RBFOX3: variants seen among roughly 807,000 people sequenced by gnomAD.
RBFOX3 encodes the protein RNA binding fox-1 homolog 3.
In RBFOX3, 17 loss-of-function variants were observed where a neutral mutation model predicts 48.7. That is an observed-to-expected ratio of 0.35 (90% CI 0.24 to 0.52). RBFOX3 has a LOEUF of 0.52. Among genes scored for constraint, RBFOX3 ranks in the 20% least tolerant of loss-of-function variants. The probability of loss-of-function intolerance (pLI) is 0.94; values close to 1 mark genes in which losing one functional copy is unlikely to be tolerated. For missense variants in RBFOX3, 382 were observed against 497.5 expected, an observed-to-expected ratio of 0.77 and a Z score of 2.21; for synonymous variants, 212 against 209.5, an observed-to-expected ratio of 1.01 and a Z score of -0.10.
chr17:79,385,445 T>A (rs935957293), intron 2 of RBFOX3, among the ~76,000 whole-genome samples: 1 of 151,984 alleles, frequency 6.6e-6, no homozygotes, highest in African/African-American at 2.4e-5. Context: ...TGCAGGACAA[T>A]CAGCGAGCCC....
At chr17:79,134,660 G>T (rs1374389521) in intron 4 of RBFOX3, among the ~76,000 whole-genome samples, 1 of 152,240 alleles carries the variant, frequency 6.6e-6, no homozygotes, top group Non-Finnish European at 1.5e-5. Flanking sequence ...GCTGTCCCAG[G>T]GAGGGGGTCC....
rs545947323 is a variant in RBFOX3 at position 79,133,062 on chromosome 17, G to A, written c.-33-17314C>T. On this transcript the variant is annotated intron_variant, in intron 4 of 14. Transcript: ENST00000693108. ...GGCTGGGTGGGCCTCAAACCCCAGC[G>A]TGGGGGTGACCAAAGGCCTCCTTCC... Among the ~76,000 whole-genome samples the A allele has an allele frequency of 7.2e-5, 11 of 152,314 alleles. No homozygotes were observed. In the East Asian group the frequency reaches 7.7e-4, roughly 11 times the overall value.
At chr17:79,591,041 GC>G (rs1291753195) in intron 1 of RBFOX3, among the ~76,000 whole-genome samples, 1 of 152,212 alleles carries the variant, frequency 6.6e-6, no homozygotes, top group African/African-American at 2.4e-5. Context: ...TCCCGTGTCT[GC>G]CGGGGACCCT....
At chr17:79,104,785 G>C (rs2077061538) in intron 6 of RBFOX3, among the ~76,000 whole-genome samples, 1 of 152,162 alleles carries the variant, frequency 6.6e-6, no homozygotes, top group Admixed American at 6.5e-5. Flanking sequence ...GCCTCCCTGA[G>C]ATGGGGAGGA....
At chr17:79,554,703 A>G (rs2091478371) in intron 1 of RBFOX3, among the ~76,000 whole-genome samples, 1 of 152,258 alleles carries the variant, frequency 6.6e-6, no homozygotes, top group Admixed American at 6.5e-5. Flanking sequence ...CATTTGTGGG[A>G]AAAATTACAG....
chr17:79,096,862 C>T lies in RBFOX3; in HGVS notation c.756-29G>A. 6 of 646,880 alleles carry T rather than the reference C, an allele frequency of 9.3e-6. No individual in the cohort carries two copies. The Middle Eastern group carries it at 1.5e-3, about 162-fold the overall frequency. The allele number at this position is 646,880 out of a possible 1,614,324, so 40.1% of individuals were successfully genotyped here. A position where few individuals can be genotyped will look rare whatever the true frequency, so the allele number is the denominator to read the frequency against. ...TTTTGGTATAACAATAGAGTAACAC[C>T]CTTGCTGATCAGCAACTTTCTCCCA... is the stretch of plus-strand genomic sequence containing the variant. On this transcript the variant is annotated intron_variant, in intron 11 of 14. Transcript: ENST00000693108.
chr17:79,656,813 A>AAGAAAGAG, the RBFOX3 span, among the ~76,000 whole-genome samples: 1 of 73,534 alleles, frequency 1.4e-5, no homozygotes, highest in African/African-American at 5.8e-5. Context: ...AAAGAAAAGA[A>AAGAAAGAG]AGAGAAAGAA....
At chr17:79,151,295 C>T (rs539104457) in intron 4 of RBFOX3, among the ~76,000 whole-genome samples, 9 of 150,034 alleles carry the variant, frequency 6.0e-5, no homozygotes, top group African/African-American at 4.9e-5. Context: ...GCTGAAGGGA[C>T]CCTGGGTCAG....
intron 2 of RBFOX3, among the ~76,000 whole-genome samples, chr17:79,430,708 C>G (rs1285578011): frequency 6.6e-6 from 1 of 152,130 alleles, no homozygotes; most frequent in East Asian, 1.9e-4. Context: ...CCACACCCAG[C>G]TAATTTTTGT....
At chr17:79,276,333 C>T (rs1166909375) in intron 3 of RBFOX3, among the ~76,000 whole-genome samples, 7 of 152,176 alleles carry the variant, frequency 4.6e-5, no homozygotes, top group Non-Finnish European at 1.0e-4. Flanking sequence ...GAATTGTACA[C>T]CCTAAAGGAG....
chr17:79,522,047 G>T (rs1190636256), intron 1 of RBFOX3, among the ~76,000 whole-genome samples: 3 of 152,182 alleles, frequency 2.0e-5, no homozygotes, highest in Non-Finnish European at 2.9e-5. Flanking sequence ...TCTTGGACCA[G>T]TGCAGGCCAC....
At chr17:79,256,468 T>A (rs1264409198) in intron 3 of RBFOX3, among the ~76,000 whole-genome samples, 1 of 152,224 alleles carries the variant, frequency 6.6e-6, no homozygotes, top group Non-Finnish European at 1.5e-5. Flanking sequence ...TTCATTTACT[T>A]TAATGAGATA....
At chr17:79,345,958 T>C (rs1386333518) in intron 2 of RBFOX3, among the ~76,000 whole-genome samples, 1 of 152,198 alleles carries the variant, frequency 6.6e-6, no homozygotes, top group Non-Finnish European at 1.5e-5. Context: ...ATGGAGTCTT[T>C]CACCCAGGCT....
At chr17:79,180,166 A>C (rs934403928) in intron 4 of RBFOX3, among the ~76,000 whole-genome samples, 1 of 152,178 alleles carries the variant, frequency 6.6e-6, no homozygotes, top group Non-Finnish European at 1.5e-5. Context: ...AGGGACCAAC[A>C]ACAAGTGCCT....
At chr17:79,339,268 C>T (rs8079506) in intron 2 of RBFOX3, among the ~76,000 whole-genome samples, 130,238 of 152,114 alleles carry the variant, frequency 0.86, 55,895 homozygotes, top group Non-Finnish European at 0.89. Flanking sequence ...GTTGCCCAGG[C>T]TGATCTTGAA....
chr17:79,289,223 G>A (rs1177982393), intron 3 of RBFOX3, among the ~76,000 whole-genome samples: 3 of 152,222 alleles, frequency 2.0e-5, no homozygotes, highest in African/African-American at 2.4e-5. Context: ...CCGAGTCGGC[G>A]GGTTAGGTGT....
chr17:79,414,443 C>T (rs1179818538), intron 2 of RBFOX3, among the ~76,000 whole-genome samples: 1 of 152,174 alleles, frequency 6.6e-6, no homozygotes. Flanking sequence ...CCCACAAAGC[C>T]CCTCAGCGTG....
chr17:79,094,865 C>G (rs751573705), intron 13 of RBFOX3, among the ~76,000 whole-genome samples: 8 of 152,016 alleles, frequency 5.3e-5, no homozygotes, highest in African/African-American at 4.8e-5. Flanking sequence ...AACTTCCACC[C>G]CAAAAAGAAT....
chr17:79,407,923 G>A (rs1380715249), intron 2 of RBFOX3, among the ~76,000 whole-genome samples: 1 of 152,204 alleles, frequency 6.6e-6, no homozygotes, highest in Non-Finnish European at 1.5e-5. Context: ...GCACTGGCCT[G>A]GAGTCGGAAT....
Sources: allele counts gnomAD v4.1 joint callset (sites outside exome capture counted in the v4.1 genomes callset), GRCh38; gene constraint gnomAD v4.1.1; transcripts MANE v1.5; gene names NCBI Gene and HGNC (gene_info 2026-07-23, HGNC 2026-07-21).